Variants in DDX3X observed in about 807,000 individuals in gnomAD.
DDX3X encodes the protein DEAD-box helicase 3 X-linked, also known as ATP-dependent RNA helicase DDX3X.
Under a neutral mutation model 52.7 loss-of-function variants are expected in DDX3X, and 4 were observed. The observed-to-expected ratio is 0.08, with a 90% confidence interval of 0.04 to 0.17. The LOEUF is 0.17. Among genes scored for constraint, DDX3X ranks in the 10% least tolerant of loss-of-function variants. The pLI is 1.00. For missense variants in DDX3X, 222 were observed against 548.6 expected (o/e 0.40, Z 5.95); for synonymous variants, 192 against 178.1 (o/e 1.08, Z -0.62).
In DDX3X at chrX:41,348,274, G is replaced by A. The variant is rs975005455; in HGVS notation, c.*555G>A. 9.0e-5 allele frequency: 12 copies of A among 133,980 alleles called. No homozygotes were observed. The highest frequency in any genetic ancestry group is 3.5e-4 in the African/African-American group (11 of 31,871). 11.0% of individuals were successfully genotyped at this position (133,980 alleles called of 1,213,427 possible). On this transcript the variant is annotated 3_prime_UTR_variant, in exon 17 of 17. Coordinates refer to ENST00000644876, the MANE Select transcript of DDX3X (RefSeq NM_001356.5). ...ATTGGGGGAAAACAACAAATGTCTT[G>A]AAGCATATTAATGGAATTAGTTTCT...
rs774448102 is a variant in DDX3X, at chrX:41,334,207, A to G, written c.-46A>G. 2 of 1,177,716 alleles carry G rather than the reference A, an allele frequency of 1.7e-6. No individual in the cohort carries two copies. The highest frequency in any genetic ancestry group is 3.0e-5 in the East Asian group (1 of 33,332). On this transcript the variant is annotated 5_prime_UTR_variant, in exon 1 of 17. Transcript: ENST00000644876. ...AGAGGGCCTTCGCGGTGGAACAAAC[A>G]CTCGCTTAGCAGCGGAAGACTCCGA... is the stretch of plus-strand genomic sequence containing the variant.
In DDX3X at chrX:41,347,681, A is replaced by G; in HGVS notation, c.1951A>G (p.Asn651Asp). Residue 651 changes from asparagine to aspartate, a missense_variant, in exon 17 of 17, where the codon AAT becomes GAT. This residue lies in a region of DDX3X where 38 missense variants were observed against 52.0 expected (regional missense o/e 0.73). Transcript: ENST00000644876. The part of the protein sequence containing the change: ...GFYNSDGYGG[N>D]YNSQGVDWWG... ...TTACAACAGTGATGGATATGGAGGA[A>G]ATTATAACTCCCAGGGGGTTGACTG... The G allele has an allele frequency of 8.3e-7, 1 of 1,202,853 alleles. No individual in the cohort carries two copies. The highest frequency in any genetic ancestry group is 1.1e-6 in the Non-Finnish European group (1 of 891,173).
At chrX:41,359,109 T>G (rs187968918) in intron 5 of DDX3X, among the ~76,000 whole-genome samples, 6 of 112,058 alleles carry the variant, frequency 5.4e-5, no homozygotes, top group African/African-American at 1.3e-4. Flanking sequence ...TGGTATAAAT[T>G]TATCCCAAGT....
At chrX:41,334,723 C>T in intron 1 of DDX3X, 1 of 989,101 alleles carries the variant, frequency 1.0e-6, no homozygotes, top group African/African-American at 1.9e-5. Flanking sequence ...GGATTCCCGT[C>T]CGGAGGACCT....
Position 41,344,414 on chromosome X carries a change from GTTTTTGTT to G in DDX3X, c.1025+26_1025+33del, listed in dbSNP as rs767603418. The G allele has an allele frequency of 5.2e-5, 63 of 1,206,737 alleles. No homozygotes were observed. The highest frequency in any genetic ancestry group is 6.5e-5 in the Non-Finnish European group (58 of 892,545). On this transcript the variant is annotated intron_variant, in intron 10 of 16. Transcript: ENST00000644876. ...GACTTTTGCAAGTATGTTTTATTTTGTTTTTGTTTTTTTGTTTTGTTTTGTTTTGTTCT... is the reference window on the plus strand; with the variant it reads ...GACTTTTGCAAGTATGTTTTATTTTGTTTTTGTTTTGTTTTGTTTTGTTCT...
downstream of DDX3X, chrX:41,351,117 T>A (rs1486239199): frequency 1.8e-5 from 2 of 111,608 alleles, no homozygotes; most frequent in Non-Finnish European, 3.8e-5. Context: ...GGTTTGGGAT[T>A]GCTAGATTGG....
intron 7 of DDX3X, 74 bp from the exon 8 acceptor site, chrX:41,343,663 G>A: frequency 1.0e-6 from 1 of 977,024 alleles, no homozygotes. Flanking sequence ...TAATAGGGTA[G>A]TTAAAAAACA....
rs1366730237 is a variant in DDX3X at position 41,346,573 on chromosome X, T to A, written c.1566T>A (p.Ile522=). The A allele has an allele frequency of 1.3e-5, 16 of 1,208,806 alleles. No individual in the cohort carries two copies. The highest frequency in any genetic ancestry group is 1.8e-5 in the Non-Finnish European group (16 of 894,090). ...TCAATTTTGACTTGCCAAGTGATAT[T>A]GAAGAATATGTACATCGTATTGGTC... is the stretch of plus-strand genomic sequence containing the variant. ...HVINFDLPSD[I]EEYVHRIGRT... is the part of the protein sequence containing the mutation. The change falls in exon 14 of 17, where the codon ATT becomes ATA. Residue 522 remains isoleucine (I), a synonymous_variant. Transcript: ENST00000644876.
rs746621915 is a variant in DDX3X, at chrX:41,345,508, A to G, written c.1275A>G (p.Ser425=). 1 of 1,206,867 alleles carries G rather than the reference A, an allele frequency of 8.3e-7. No individual in the cohort carries two copies. The highest frequency in any genetic ancestry group is 1.1e-6 in the Non-Finnish European group (1 of 894,240). ...AGAAAGTAGTTTGGGTGGAAGAATC[A>G]GACAAACGGTCATTTCTGCTTGACC... ...ITQKVVWVEE[S]DKRSFLLDLL... Residue 425 remains serine (S), a synonymous_variant, in exon 12 of 17, where the codon TCA becomes TCG. Coordinates refer to ENST00000644876, the MANE Select transcript of DDX3X (RefSeq NM_001356.5).
At chrX:41,362,708 G>A (rs989297515) in intron 5 of DDX3X, among the ~76,000 whole-genome samples, 8 of 112,030 alleles carry the variant, frequency 7.1e-5, no homozygotes, top group African/African-American at 1.6e-4. Flanking sequence ...AAAGACATCC[G>A]TCCCCTGACA....
chrX:41,337,026 TTATC>T (rs754839448), intron 1 of DDX3X, among the ~76,000 whole-genome samples: 103 of 112,376 alleles, frequency 9.2e-4, no homozygotes, highest in Middle Eastern at 4.6e-3. Flanking sequence ...AACGAATCCT[TTATC>T]TATTTGACAT....
chrX:41,356,695 C>T (rs1253781749), intron 5 of DDX3X, among the ~76,000 whole-genome samples: 2 of 108,886 alleles, frequency 1.8e-5, no homozygotes, highest in East Asian at 5.8e-4. Context: ...TGATCTCCCA[C>T]CTTGTGATCT....
At chrX:41,364,455 C>T (rs2064040748) in exon 6 of DDX3X, 1 of 290,523 alleles carries the variant, frequency 3.4e-6, no homozygotes, top group Non-Finnish European at 6.0e-6. Flanking sequence ...AAATAAACAC[C>T]TATGCACCTT....
intron 5 of DDX3X, among the ~76,000 whole-genome samples, chrX:41,356,601 GGC>G (rs1364932844): frequency 1.9e-5 from 2 of 107,852 alleles, no homozygotes; most frequent in East Asian, 5.8e-4. Flanking sequence ...TGGGACTACA[GGC>G]GCACACCACC....
rs181553410 is a variant in DDX3X at position 41,342,093 on chromosome X, A to T, written c.285-402A>T. The T allele has an allele frequency of 6.4e-5, 10 of 156,327 alleles. No individual in the cohort carries two copies. The East Asian group carries it at 1.8e-3, about 28-fold the overall frequency. The allele number at this position is 156,327 out of a possible 1,213,427, so 12.9% of individuals were successfully genotyped here. The stretch of plus-strand genomic sequence containing the variant: ...TTATCCAAAGTCTGTCACACAGGTG[A>T]ATTGTCCTTTAAGTGACATCCTAGT... On this transcript the variant is annotated intron_variant, in intron 4 of 16. Transcript: ENST00000644876.
intron 4 of DDX3X, 128 bp downstream of exon 4, chrX:41,341,744 C>G: frequency 1.6e-6 from 1 of 616,415 alleles, no homozygotes; most frequent in Non-Finnish European, 2.4e-6. Context: ...CCGTAAGAGG[C>G]TTTTACTAAA....
At chrX:41,342,295 A>G in intron 4 of DDX3X, 200 bp from the exon 5 acceptor site, 1 of 424,871 alleles carries the variant, frequency 2.4e-6, no homozygotes, top group Non-Finnish European at 3.9e-6. Flanking sequence ...ATAGAAATGT[A>G]AAGATTACTG....
chrX:41,350,658 CAT>C (rs1323826746), downstream of DDX3X: 1 of 111,385 alleles, frequency 9.0e-6, no homozygotes, highest in Non-Finnish European at 1.9e-5. Flanking sequence ...GTGATGATTA[CAT>C]AGTCCTATAG....
intron 3 of DDX3X, chrX:41,341,051 T>A (rs1247578215): frequency 4.9e-6 from 1 of 203,330 alleles, no homozygotes; most frequent in Non-Finnish European, 8.9e-6. Context: ...AGTGGCGCAA[T>A]CTTGGCTCAC....
Sources: gnomAD v4.1 joint callset for allele counts (sites outside exome capture counted in the v4.1 genomes callset) on GRCh38, gnomAD v4.1.1 for gene constraint, gnomAD v4.1.1 regional missense constraint, MANE v1.5 for transcripts, NCBI Gene and HGNC (gene_info 2026-07-23, HGNC 2026-07-21) for gene names.